BARD1: variants seen among roughly 807,000 people sequenced by gnomAD.
BARD1 encodes the protein BRCA1-associated RING domain protein 1.
BARD1 carries 73 observed loss-of-function variants against 77.0 expected under a neutral mutation model. The observed-to-expected ratio is 0.95, with a 90% CI of 0.79 to 1.15. The LOEUF is 1.15. Ranked by LOEUF, BARD1 falls within the 50% of genes most tolerant of loss-of-function variation. The pLI, the probability that BARD1 is intolerant of heterozygous loss-of-function variation, is 0.00. For synonymous variants in BARD1, 384 were observed against 338.0 expected (o/e 1.14, Z -1.49); for missense variants, 993 against 938.8 (o/e 1.06, Z -0.75).
chr2:214,803,800 G>A (rs944282548), intron 1 of BARD1, among the ~76,000 whole-genome samples: 17 of 151,924 alleles, frequency 1.1e-4, no homozygotes, highest in Admixed American at 9.8e-4. Context: ...CAAGTCTCTC[G>A]TTCCACCTTA....
At position 214,803,254 on chromosome 2, in the gene BARD1, T is replaced by C. The variant is rs189861630; in HGVS notation, c.159-6137A>G. Among the ~76,000 whole-genome samples the C allele has an allele frequency of 6.0e-3, 918 of 152,046 alleles. 7 individuals are homozygous for C. Among genetic ancestry groups the C allele is most frequent in the Middle Eastern group, 0.014 (4 of 294 alleles). On this transcript the variant is annotated intron_variant, in intron 1 of 10. Coordinates refer to ENST00000260947, the MANE Select transcript of BARD1 (RefSeq NM_000465.4). ...TCTCCCCATGTGATAGTCTGAAATA[T>C]GGCCTTGTGGGAAGGGAAAGACCTG...
chr2:214,756,127 T>A (rs1188969643), intron 6 of BARD1, among the ~76,000 whole-genome samples: 2 of 152,124 alleles, frequency 1.3e-5, no homozygotes, highest in African/African-American at 4.8e-5. Context: ...TAATTCCCAA[T>A]GCTGGAGGTG....
chr2:214,747,006 C>G (rs1293084433), intron 7 of BARD1, among the ~76,000 whole-genome samples: 1 of 151,946 alleles, frequency 6.6e-6, no homozygotes, highest in Non-Finnish European at 1.5e-5. Context: ...AACAAATTTA[C>G]AAGAAAAAAA....
At chr2:214,764,255 A>C (rs2106068448) in intron 6 of BARD1, among the ~76,000 whole-genome samples, 1 of 152,338 alleles carries the variant, frequency 6.6e-6, no homozygotes, top group Admixed American at 6.5e-5. Flanking sequence ...GTGGATACAG[A>C]CTACATTAGG....
chr2:214,728,001 T>C lies in BARD1; in HGVS notation c.*675A>G, dbSNP rs1338048871. ...GATAGTTACAAGCAAATGTACAGAA[T>C]AAAAATATGTACCATGAGCCTAGTG... is the stretch of plus-strand genomic sequence containing the variant. On this transcript the variant is annotated 3_prime_UTR_variant, in exon 11 of 11. Transcript: ENST00000260947. 3 of 219,034 alleles carry C rather than the reference T, an allele frequency of 1.4e-5. No individual in the cohort carries two copies. The highest frequency in any genetic ancestry group is 2.2e-5 in the African/African-American group (1 of 44,558). The allele number at this position is 219,034 out of a possible 1,614,324, so 13.6% of individuals were successfully genotyped here. A position where few individuals can be genotyped will look rare whatever the true frequency, so the allele number is the denominator to read the frequency against.
intron 1 of BARD1, among the ~76,000 whole-genome samples, chr2:214,797,943 T>G (rs1297759574): frequency 6.6e-6 from 1 of 152,102 alleles, no homozygotes; most frequent in Non-Finnish European, 1.5e-5. Flanking sequence ...GTAATGATAC[T>G]AATAAATACA....
intron 6 of BARD1, among the ~76,000 whole-genome samples, chr2:214,763,511 G>C (rs1053938406): frequency 2.0e-5 from 3 of 152,152 alleles, no homozygotes; most frequent in African/African-American, 4.8e-5. Context: ...CAGCCAAAAT[G>C]TCTATGCTAG....
At chr2:214,801,916 G>A (rs1278361445) in intron 1 of BARD1, among the ~76,000 whole-genome samples, 1 of 149,000 alleles carries the variant, frequency 6.7e-6, no homozygotes, top group East Asian at 2.1e-4. Context: ...CTGGAGTACA[G>A]TGGCATGATC....
At chr2:214,778,433 T>C (rs1273819993) in intron 4 of BARD1, among the ~76,000 whole-genome samples, 1 of 152,086 alleles carries the variant, frequency 6.6e-6, no homozygotes, top group African/African-American at 2.4e-5. Flanking sequence ...CATTTAATAA[T>C]TAAGTTCAAG....
rs1553622095 is a variant in BARD1, at chr2:214,780,582, A to G, written c.1292T>C (p.Leu431Ser). 1.2e-6 allele frequency: 2 copies of G among 1,614,006 alleles called. No homozygotes were observed. Among genetic ancestry groups the G allele is most frequent in the Non-Finnish European group, 1.7e-6 (2 of 1,179,908 alleles). ...AVKRNHRGET[L>S]LHIASIKGDI... ...TACCTTAATAGAAGCAATATGGAGC[A>G]AAGTCTCTCCTCTATGATTTCTTTT... Residue 431 changes from leucine to serine, a missense_variant, in exon 4 of 11, where the codon TTG becomes TCG. Transcript: ENST00000260947.
chr2:214,765,727 G>GACACACACAAACACGCACGTGTGTACAC, intron 6 of BARD1, among the ~76,000 whole-genome samples: 1 of 151,948 alleles, frequency 6.6e-6, no homozygotes, highest in Admixed American at 6.6e-5. Context: ...TGTATATGGA[G>GACACACACAAACACGCACGTGTGTACAC]ACACACACAA....
At chr2:214,799,534 C>A (rs987844304) in intron 1 of BARD1, among the ~76,000 whole-genome samples, 1 of 152,122 alleles carries the variant, frequency 6.6e-6, no homozygotes, top group African/African-American at 2.4e-5. Flanking sequence ...TCATCTTACC[C>A]TTCCTAGAGT....
Position 214,729,026 on chromosome 2 carries a change from C to T in BARD1, c.2002-18G>A. 2.5e-6 allele frequency: 4 copies of T among 1,611,680 alleles called. No homozygotes were observed. The highest frequency in any genetic ancestry group is 3.4e-6 in the Non-Finnish European group (4 of 1,178,232). ...TTTGGCAACTGAAATAATGAGAAAA[C>T]ATTTGTTAAAGGCAGATCAAAATAC... On this transcript the variant is annotated intron_variant, in intron 10 of 10. Coordinates refer to ENST00000260947, the MANE Select transcript of BARD1 (RefSeq NM_000465.4).
intron 2 of BARD1, among the ~76,000 whole-genome samples, chr2:214,794,018 G>A (rs191639755): frequency 6.6e-6 from 1 of 152,182 alleles, no homozygotes; most frequent in African/African-American, 2.4e-5. Context: ...TTGGGAGGCC[G>A]AGACAAGAGA....
intron 7 of BARD1, among the ~76,000 whole-genome samples, chr2:214,747,048 T>C (rs1693155586): frequency 6.6e-6 from 1 of 152,006 alleles, no homozygotes; most frequent in South Asian, 2.1e-4. Flanking sequence ...GGGCGAAGGA[T>C]ATGAACAGAC....
At chr2:214,744,541 T>C (rs912975449) in intron 9 of BARD1, among the ~76,000 whole-genome samples, 2 of 152,172 alleles carry the variant, frequency 1.3e-5, no homozygotes, top group African/African-American at 4.8e-5. Context: ...AAATAGTTGG[T>C]ATTGTAGGAA....
At chr2:214,801,325 T>C (rs538414170) in intron 1 of BARD1, among the ~76,000 whole-genome samples, 8 of 152,190 alleles carry the variant, frequency 5.3e-5, no homozygotes, top group Non-Finnish European at 8.8e-5. Flanking sequence ...GGCAGTACAA[T>C]GCTTATATGA....
At chr2:214,751,079 CTGTGTGTGTGTGTGTGTG>C (rs760986670) in intron 7 of BARD1, among the ~76,000 whole-genome samples, 2 of 39,472 alleles carry the variant, frequency 5.1e-5, no homozygotes, top group African/African-American at 9.7e-5. Context: ...CTGTGAAATT[CTGTGTGTGTGTGTGTGTG>C]TGTGTGTGTG....
chr2:214,787,997 C>G (rs75053714), intron 3 of BARD1, among the ~76,000 whole-genome samples: 4 of 151,852 alleles, frequency 2.6e-5, no homozygotes, highest in Non-Finnish European at 1.5e-5. Context: ...ATTTTGTAAG[C>G]TAGGAAGCAT....
Sources: gnomAD v4.1 joint callset for allele counts (sites outside exome capture counted in the v4.1 genomes callset) on GRCh38, gnomAD v4.1.1 for gene constraint, MANE v1.5 for transcripts, NCBI Gene and HGNC (gene_info 2026-07-23, HGNC 2026-07-21) for gene names.